The following SUGCT variants were observed in gnomAD, a reference collection of about 807,000 sequenced individuals.
SUGCT encodes succinyl-CoA:glutarate-CoA transferase, also known as succinyl-CoA:glutarate CoA-transferase.
In SUGCT, 41 loss-of-function variants were observed where a neutral mutation model predicts 55.0. That is an observed-to-expected ratio of 0.74 (90% CI 0.58 to 0.97). The LOEUF is 0.97. SUGCT is among the 50% of genes least tolerant of loss of function. The probability of loss-of-function intolerance (pLI) is 0.00; values close to 1 mark genes in which losing one functional copy is unlikely to be tolerated. For synonymous variants in SUGCT, 187 were observed against 200.4 expected (o/e 0.93, Z 0.56); for missense variants, 568 against 547.8 (o/e 1.04, Z -0.37).
At chr7:40,398,026 A>G (rs1013773459) in intron 9 of SUGCT, among the ~76,000 whole-genome samples, 1 of 152,172 alleles carries the variant, frequency 6.6e-6, no homozygotes, top group African/African-American at 2.4e-5. Context: ...GTCTCCATGG[A>G]CAACCCTCAA....
Position 40,298,670 on chromosome 7 carries a change from C to G in SUGCT, c.721-18090C>G, listed in dbSNP as rs1794328638. Among the ~76,000 whole-genome samples, 3 of 151,886 alleles carry G rather than the reference C, an allele frequency of 2.0e-5. No homozygotes were observed. In the South Asian group the frequency reaches 6.2e-4, roughly 31 times the overall value. On this transcript the variant is annotated intron_variant, in intron 8 of 13. Coordinates refer to ENST00000335693, the MANE Select transcript of SUGCT (RefSeq NM_001193313.2). ...AGAATTTTCCTGACCACTATCATGT[C>G]TGGCTTCATGTTCAGACATTCTTAC...
At chr7:40,381,766 A>G (rs563802153) in intron 9 of SUGCT, among the ~76,000 whole-genome samples, 1 of 152,254 alleles carries the variant, frequency 6.6e-6, no homozygotes, top group East Asian at 1.9e-4. Flanking sequence ...TCACAAACAC[A>G]CATCTACAAA....
At chr7:40,502,543 A>AT (rs1792344737) in intron 12 of SUGCT, among the ~76,000 whole-genome samples, 1 of 151,914 alleles carries the variant, frequency 6.6e-6, no homozygotes, top group African/African-American at 2.4e-5. Context: ...TTAATTATAT[A>AT]TTTTATTTAA....
At chr7:40,277,668 G>A (rs1356687738) in intron 8 of SUGCT, among the ~76,000 whole-genome samples, 1 of 104,906 alleles carries the variant, frequency 9.5e-6, no homozygotes, top group African/African-American at 4.0e-5. Flanking sequence ...CAGATAATTT[G>A]TTCTTTTTGT....
intron 1 of SUGCT, among the ~76,000 whole-genome samples, chr7:40,137,635 G>C (rs918513400): frequency 1.3e-5 from 2 of 152,098 alleles, no homozygotes; most frequent in Non-Finnish European, 2.9e-5. Flanking sequence ...AAAAAAGTTT[G>C]AGTTGTGTTT....
At chr7:40,206,221 TTA>T (rs1786965762) in intron 6 of SUGCT, among the ~76,000 whole-genome samples, 1 of 152,092 alleles carries the variant, frequency 6.6e-6, no homozygotes, top group Non-Finnish European at 1.5e-5. Context: ...ATCCATAAAT[TTA>T]AAGAAGCAAT....
chr7:40,204,264 T>C (rs960290609), intron 6 of SUGCT, among the ~76,000 whole-genome samples: 6 of 151,672 alleles, frequency 4.0e-5, no homozygotes, highest in African/African-American at 1.5e-4. Context: ...GTACTGAGAT[T>C]ACAGGCATGA....
chr7:40,541,095 A>G (rs1244771165), intron 12 of SUGCT, among the ~76,000 whole-genome samples: 3 of 152,228 alleles, frequency 2.0e-5, no homozygotes, highest in Non-Finnish European at 2.9e-5. Context: ...AAGAGGAAAG[A>G]TAAGCATTTT....
the SUGCT span, among the ~76,000 whole-genome samples, chr7:40,979,137 A>T: frequency 6.6e-6 from 1 of 152,002 alleles, no homozygotes; most frequent in Non-Finnish European, 1.5e-5. Flanking sequence ...ACTGAGCCCC[A>T]TATCTGTGAG....
chr7:40,721,734 C>G (rs1270902363), intron 12 of SUGCT, among the ~76,000 whole-genome samples: 1 of 152,212 alleles, frequency 6.6e-6, no homozygotes, highest in Non-Finnish European at 1.5e-5. Context: ...GATGGACATT[C>G]TTTGCCTCTG....
At chr7:40,950,614 A>T in the SUGCT span, among the ~76,000 whole-genome samples, 1 of 152,090 alleles carries the variant, frequency 6.6e-6, no homozygotes. Flanking sequence ...AGCTCTTATT[A>T]TTTTGAGATA....
At chr7:40,457,453 T>A (rs566834785) in intron 10 of SUGCT, among the ~76,000 whole-genome samples, 18 of 151,984 alleles carry the variant, frequency 1.2e-4, no homozygotes, top group Admixed American at 2.0e-4. Flanking sequence ...AAAAAAAAAA[T>A]ATCTTTTGGG....
chr7:40,321,154 C>T (rs1270054149), intron 9 of SUGCT, among the ~76,000 whole-genome samples: 1 of 147,632 alleles, frequency 6.8e-6, no homozygotes, highest in Non-Finnish European at 1.5e-5. Context: ...CGGCTCACTG[C>T]AACCTCTGCC....
chr7:40,670,006 T>A (rs1046946415), intron 12 of SUGCT, among the ~76,000 whole-genome samples: 9 of 150,664 alleles, frequency 6.0e-5, no homozygotes, highest in Non-Finnish European at 1.3e-4. Context: ...TACTGAAAAC[T>A]AAAAACTAAA....
At chr7:40,362,499 A>G (rs948957008) in intron 9 of SUGCT, among the ~76,000 whole-genome samples, 3 of 152,036 alleles carry the variant, frequency 2.0e-5, no homozygotes, top group African/African-American at 4.8e-5. Flanking sequence ...AGCACCATCA[A>G]CCTGCTGTGA....
chr7:40,702,213 T>A (rs1323009935), intron 12 of SUGCT, among the ~76,000 whole-genome samples: 1 of 152,306 alleles, frequency 6.6e-6, no homozygotes, highest in East Asian at 1.9e-4. Flanking sequence ...TTACCAATGA[T>A]CAAACTTCTT....
intron 12 of SUGCT, among the ~76,000 whole-genome samples, chr7:40,687,565 G>A (rs1172708283): frequency 6.6e-6 from 1 of 152,104 alleles, no homozygotes; most frequent in East Asian, 1.9e-4. Context: ...TCCTTTATGA[G>A]GAGCTGAGGA....
chr7:40,531,634 T>G (rs2151595729), intron 12 of SUGCT, among the ~76,000 whole-genome samples: 1 of 151,762 alleles, frequency 6.6e-6, no homozygotes, highest in East Asian at 1.9e-4. Context: ...TTGTATTGAG[T>G]ATGAGACAAA....
At chr7:41,020,025 A>C in the SUGCT span, among the ~76,000 whole-genome samples, 1 of 152,148 alleles carries the variant, frequency 6.6e-6, no homozygotes, top group East Asian at 1.9e-4. Context: ...CCAGCACTTA[A>C]TTTTCCTTCT....
Sources: allele counts gnomAD v4.1 joint callset (sites outside exome capture counted in the v4.1 genomes callset), GRCh38; gene constraint gnomAD v4.1.1; transcripts MANE v1.5; gene names NCBI Gene and HGNC (gene_info 2026-07-23, HGNC 2026-07-21).